The following TES variants were observed in gnomAD, a reference collection of about 807,000 sequenced individuals.
TES encodes testin LIM domain protein.
TES carries 41 observed loss-of-function variants against 48.2 expected under a neutral mutation model. The ratio of observed to expected loss-of-function variants is 0.85; its 90% CI spans 0.66 to 1.10. The LOEUF is 1.10. TES is among the 50% of genes least tolerant of loss of function. The probability of loss-of-function intolerance (pLI) is 0.00; values close to 1 mark genes in which losing one functional copy is unlikely to be tolerated. For synonymous variants in TES, 162 were observed against 174.9 expected (o/e 0.93, Z 0.58); for missense variants, 463 against 515.1 (o/e 0.90, Z 0.98).
intron 1 of TES, chr7:116,222,837 C>T (rs776943724): frequency 4.0e-4 from 114 of 286,284 alleles, no homozygotes; most frequent in Non-Finnish European, 5.5e-4. Flanking sequence ...TGTTTATGAG[C>T]GCATTCCATT....
chr7:116,246,946 C>CTTTTTTTT (rs148032626), intron 2 of TES, among the ~76,000 whole-genome samples: 1 of 131,046 alleles, frequency 7.6e-6, no homozygotes, highest in Non-Finnish European at 1.6e-5. Flanking sequence ...AGACTAGGCC[C>CTTTTTTTT]CTTTTTTTTT....
intron 1 of TES, among the ~76,000 whole-genome samples, chr7:116,218,735 A>G (rs577129210): frequency 6.6e-6 from 1 of 152,240 alleles, no homozygotes; most frequent in South Asian, 2.1e-4. Context: ...AGTGAGCAAA[A>G]CAGATGTGTA....
intron 1 of TES, among the ~76,000 whole-genome samples, chr7:116,212,133 T>C (rs538370531): frequency 6.6e-6 from 1 of 152,320 alleles, no homozygotes; most frequent in East Asian, 1.9e-4. Context: ...TCTCATTTAG[T>C]TTTCAAGTAG....
chr7:116,238,856 C>T (rs1218245333), intron 2 of TES, among the ~76,000 whole-genome samples: 1 of 152,090 alleles, frequency 6.6e-6, no homozygotes, highest in African/African-American at 2.4e-5. Context: ...CAGCCTCAGC[C>T]TCCCAAAGTG....
chr7:116,238,349 A>G (rs1479670132), intron 2 of TES: 1 of 152,176 alleles, frequency 6.6e-6, no homozygotes, highest in Non-Finnish European at 1.5e-5. Flanking sequence ...ATTAATTATT[A>G]GGAATTTAGA....
intron 1 of TES, among the ~76,000 whole-genome samples, chr7:116,228,431 C>T (rs1799652341): frequency 6.6e-6 from 1 of 152,054 alleles, no homozygotes; most frequent in Non-Finnish European, 1.5e-5. Flanking sequence ...TGATGCTGGC[C>T]AGAATGTGTT....
chr7:116,252,576 C>T, intron 6 of TES, 100 bp downstream of exon 6: 2 of 1,569,104 alleles, frequency 1.3e-6, no homozygotes, highest in Non-Finnish European at 1.8e-6. Context: ...GAAAGCAGTC[C>T]TCCTAAGTAG....
chr7:116,223,018 A>G (rs1799574710), intron 1 of TES: 1 of 984,120 alleles, frequency 1.0e-6, no homozygotes. Flanking sequence ...CAGAAGAGGT[A>G]TTCTATTGGT....
chr7:116,237,487 C>G (rs773876749), intron 2 of TES, among the ~76,000 whole-genome samples: 2 of 152,122 alleles, frequency 1.3e-5, no homozygotes, highest in Non-Finnish European at 2.9e-5. Context: ...CACTTCCCTT[C>G]CAAGCACTCT....
intron 1 of TES, among the ~76,000 whole-genome samples, chr7:116,229,350 A>T (rs1267221546): frequency 6.6e-6 from 1 of 152,146 alleles, no homozygotes; most frequent in Non-Finnish European, 1.5e-5. Flanking sequence ...TTGGCTCTTC[A>T]GGAAAGGAGA....
chr7:116,234,286 G>A (rs1009642523), intron 1 of TES, among the ~76,000 whole-genome samples: 2 of 152,034 alleles, frequency 1.3e-5, no homozygotes, highest in Admixed American at 6.6e-5. Context: ...TGCAATATTT[G>A]TAGTTTTCTA....
chr7:116,253,771 C>T (rs949380771), intron 6 of TES, among the ~76,000 whole-genome samples: 7 of 151,930 alleles, frequency 4.6e-5, no homozygotes, highest in Admixed American at 6.6e-5. Context: ...AACTTTTTTT[C>T]GGAACACCTT....
intron 3 of TES, chr7:116,249,885 C>T (rs1285113579): frequency 7.0e-6 from 2 of 286,606 alleles, no homozygotes; most frequent in African/African-American, 2.2e-5. Flanking sequence ...TTCAATTGTA[C>T]ATTTGTTTAT....
intron 3 of TES, chr7:116,249,736 C>A: frequency 6.1e-6 from 1 of 162,624 alleles, no homozygotes; most frequent in Non-Finnish European, 1.3e-5. Flanking sequence ...ATTATAACAA[C>A]CAAATGAAAC....
At chr7:116,222,272 G>C (rs1799566198) in intron 1 of TES, among the ~76,000 whole-genome samples, 1 of 152,126 alleles carries the variant, frequency 6.6e-6, no homozygotes, top group Non-Finnish European at 1.5e-5. Flanking sequence ...AGAAAAACGA[G>C]AAGACTGTCT....
At position 116,250,410 on chromosome 7, in the gene TES, A is replaced by G. The variant is rs764980650; in HGVS notation, c.616A>G (p.Met206Val). 4.3e-6 allele frequency: 7 copies of G among 1,613,232 alleles called. No homozygotes were observed. The highest frequency in any genetic ancestry group is 2.7e-5 in the African/African-American group (2 of 74,928). ...CEMDAQGPKQ[M>V]NIPGGDRSTP... ...GATGGATGCCCAAGGCCCCAAACAA[A>G]TGAACATTCCTGGAGGGGATAGAAG... is the stretch of plus-strand genomic sequence containing the variant. The change falls in exon 4 of 7, where the codon ATG becomes GTG. Residue 206 changes from methionine (M) to valine (V), a missense_variant. Coordinates refer to ENST00000358204, the MANE Select transcript of TES (RefSeq NM_015641.4).
In TES at chr7:116,213,537, A is replaced by C. The variant is rs192887655; in HGVS notation, c.27+2803A>C. Among the ~76,000 whole-genome samples the C allele has an allele frequency of 3.3e-5, 5 of 152,352 alleles. No homozygotes were observed. In the East Asian group the frequency reaches 9.6e-4, roughly 29 times the overall value. The stretch of plus-strand genomic sequence containing the variant: ...TGATTGAGATAGATGATACTATTAT[A>C]AAATTCTTGGTTTGTAAAAGGAAAG... On this transcript the variant is annotated intron_variant, in intron 1 of 6. Transcript: ENST00000358204.
Position 116,210,693 on chromosome 7 carries a change from A to G in TES, c.-15A>G, listed in dbSNP as rs758304994. The G allele has an allele frequency of 2.4e-5, 31 of 1,287,384 alleles. No homozygotes were observed. The South Asian group carries it at 7.7e-4, about 32-fold the overall frequency. The allele number at this position is 1,287,384 out of a possible 1,614,324, so 79.7% of individuals were successfully genotyped here. A position where few individuals can be genotyped will look rare whatever the true frequency, so the allele number is the denominator to read the frequency against. Reference sequence around the variant, plus strand: ...CCCGGATAGGAGGAGGAGGGGACCCATAGGACGCGTTAACATGGACCTGGA... The same window carrying G: ...CCCGGATAGGAGGAGGAGGGGACCCGTAGGACGCGTTAACATGGACCTGGA... On this transcript the variant is annotated 5_prime_UTR_variant, in exon 1 of 7. Transcript: ENST00000358204.
chr7:116,244,667 A>G (rs1353539954), intron 2 of TES, among the ~76,000 whole-genome samples: 1 of 152,168 alleles, frequency 6.6e-6, no homozygotes, highest in African/African-American at 2.4e-5. Context: ...CAGCTCCACT[A>G]GGCAGTGCCC....
Sources: gnomAD v4.1 joint callset for allele counts (sites outside exome capture counted in the v4.1 genomes callset) on GRCh38, gnomAD v4.1.1 for gene constraint, MANE v1.5 for transcripts, NCBI Gene and HGNC (gene_info 2026-07-23, HGNC 2026-07-21) for gene names.